RNFT2: variants seen among roughly 807,000 people sequenced by gnomAD.
RNFT2 encodes ring finger protein, transmembrane 2, also known as E3 ubiquitin-protein ligase RNFT2.
A neutral mutation model predicts 53.0 loss-of-function variants in RNFT2; 36 were observed. The ratio of observed to expected loss-of-function variants is 0.68; its 90% CI spans 0.52 to 0.90. RNFT2 has a LOEUF of 0.90. RNFT2 is among the 40% of genes least tolerant of loss of function. The pLI is 0.00. For synonymous variants in RNFT2, 260 were observed against 253.2 expected, an observed-to-expected ratio of 1.03 and a Z score of -0.26; for missense variants, 514 against 585.6, an observed-to-expected ratio of 0.88 and a Z score of 1.26.
Position 116,849,295 on chromosome 12 carries a change from CT to C in RNFT2, c.1201-18del. The C allele has an allele frequency of 6.6e-7, 1 of 1,523,664 alleles. No homozygotes were observed. Among genetic ancestry groups the C allele is most frequent in the Admixed American group, 2.0e-5 (1 of 50,674 alleles). The allele number at this position is 1,523,664 out of a possible 1,614,324, so 94.4% of individuals were successfully genotyped here. ...GCTCAGTAAAGAGTCCTGGTGCCTG[CT>C]GATTGCTGTCCCCGCAGCACGTGTT... On this transcript the variant is annotated intron_variant, in intron 10 of 10. Transcript: ENST00000257575.
At chr12:116,773,711 T>C (rs1016097646) in intron 6 of RNFT2, among the ~76,000 whole-genome samples, 4 of 152,144 alleles carry the variant, frequency 2.6e-5, no homozygotes, top group Admixed American at 2.0e-4. Context: ...GTAAGGGTGA[T>C]GGGAATCACA....
intron 6 of RNFT2, among the ~76,000 whole-genome samples, chr12:116,774,897 C>A (rs1873358552): frequency 6.6e-6 from 1 of 151,718 alleles, no homozygotes; most frequent in Non-Finnish European, 1.5e-5. Flanking sequence ...ACCTCTGTGC[C>A]CCCATCAAAG....
At chr12:116,740,853 G>T in intron 2 of RNFT2, 183 bp from the exon 3 acceptor site, 1 of 648,366 alleles carries the variant, frequency 1.5e-6, no homozygotes, top group Non-Finnish European at 2.8e-6. Context: ...TTTCCTCATG[G>T]GATAGAATGT....
intron 7 of RNFT2, among the ~76,000 whole-genome samples, chr12:116,793,917 G>A (rs1366043190): frequency 6.6e-6 from 1 of 152,072 alleles, no homozygotes; most frequent in Non-Finnish European, 1.5e-5. Flanking sequence ...GAACTCATGT[G>A]AGCAAAGACC....
In RNFT2 at chr12:116,750,851, A is replaced by AAC. The variant is rs1566069417; in HGVS notation, c.550+545_550+546insCA. ...TATAATATATATATTATATATATAT[A>AAC]ATATATATTATATATATATAATATA... is the stretch of plus-strand genomic sequence containing the variant. On this transcript the variant is annotated intron_variant, in intron 4 of 10. Coordinates refer to ENST00000257575, the MANE Select transcript of RNFT2 (RefSeq NM_001382266.1). 4.3e-4 allele frequency among the ~76,000 whole-genome samples: 45 copies of AAC among 105,576 alleles called. 1 individual carries two copies. The highest frequency in any genetic ancestry group is 5.5e-4 in the Non-Finnish European group (31 of 56,778). The allele number at this position is 105,576 out of a possible 152,430, so 69.3% of individuals were successfully genotyped here.
chr12:116,827,642 T>G (rs1435932030), intron 7 of RNFT2, among the ~76,000 whole-genome samples: 1 of 152,244 alleles, frequency 6.6e-6, no homozygotes, highest in Non-Finnish European at 1.5e-5. Flanking sequence ...CACTTACCTA[T>G]TGTCCACAGC....
chr12:116,750,952 C>T (rs1279987928), intron 4 of RNFT2, among the ~76,000 whole-genome samples: 1 of 143,352 alleles, frequency 7.0e-6, no homozygotes, highest in Non-Finnish European at 1.5e-5. Context: ...CAGGCTGGAG[C>T]GCAGTGGTGC....
intron 1 of RNFT2, among the ~76,000 whole-genome samples, chr12:116,739,631 G>A (rs1372486604): frequency 6.6e-6 from 1 of 152,246 alleles, no homozygotes; most frequent in African/African-American, 2.4e-5. Flanking sequence ...TATTCCAAGG[G>A]GAGGGCACAG....
At chr12:116,833,970 G>A (rs1169921113) in intron 8 of RNFT2, 29 bp downstream of exon 8, 2 of 1,563,752 alleles carry the variant, frequency 1.3e-6, no homozygotes, top group African/African-American at 1.4e-5. Context: ...TGGAGGGCCG[G>A]CCTAAGGAGG....
At chr12:116,845,648 G>A (rs7955406) in intron 10 of RNFT2, among the ~76,000 whole-genome samples, 5,838 of 152,146 alleles carry the variant, frequency 0.038, 360 homozygotes, top group African/African-American at 0.13. Context: ...GGGGCTGGAC[G>A]GGAGACGGGC....
chr12:116,822,925 A>T (rs1876123906), intron 7 of RNFT2, among the ~76,000 whole-genome samples: 1 of 152,234 alleles, frequency 6.6e-6, no homozygotes, highest in Non-Finnish European at 1.5e-5. Context: ...TGAACCCAGG[A>T]GGCAGAGATT....
chr12:116,778,076 A>C (rs1011172937), intron 6 of RNFT2, among the ~76,000 whole-genome samples: 1 of 151,816 alleles, frequency 6.6e-6, no homozygotes, highest in South Asian at 2.1e-4. Context: ...CTGCCTTCCT[A>C]ATTTCCTTCC....
At chr12:116,773,241 C>T (rs752459496) in intron 6 of RNFT2, among the ~76,000 whole-genome samples, 1 of 152,142 alleles carries the variant, frequency 6.6e-6, no homozygotes, top group African/African-American at 2.4e-5. Context: ...GGATTACAGG[C>T]GTGAGCCACC....
chr12:116,741,277 C>T (rs1297699955), intron 3 of RNFT2, among the ~76,000 whole-genome samples, 183 bp downstream of exon 3: 1 of 152,194 alleles, frequency 6.6e-6, no homozygotes, highest in Non-Finnish European at 1.5e-5. Flanking sequence ...TTTCAAAGTC[C>T]TGTGTGATAG....
chr12:116,806,164 C>T (rs190565926), intron 7 of RNFT2, among the ~76,000 whole-genome samples: 12 of 151,774 alleles, frequency 7.9e-5, no homozygotes, highest in South Asian at 2.1e-4. Context: ...GCAGATCACT[C>T]GAGGCCAGGA....
intron 5 of RNFT2, among the ~76,000 whole-genome samples, chr12:116,764,914 T>C (rs1872845806): frequency 6.6e-6 from 1 of 151,962 alleles, no homozygotes. Flanking sequence ...AACAAAACAG[T>C]AGGAGGCAGC....
intron 7 of RNFT2, chr12:116,801,291 T>A (rs1433323929): frequency 6.6e-6 from 1 of 152,240 alleles, no homozygotes; most frequent in African/African-American, 2.4e-5. Context: ...TCATTAGCAA[T>A]GTTAATATTA....
chr12:116,797,705 C>T (rs1169863719), intron 7 of RNFT2, among the ~76,000 whole-genome samples: 1 of 151,856 alleles, frequency 6.6e-6, no homozygotes, highest in African/African-American at 2.4e-5. Flanking sequence ...AGAGGCGTTA[C>T]AGCTCAGGCA....
At position 116,851,655 on chromosome 12, in the gene RNFT2, T is replaced by C. The variant is rs1877930799; in HGVS notation, c.*2207T>C. 1 of 628,632 alleles carries C rather than the reference T, an allele frequency of 1.6e-6. No individual in the cohort carries two copies. Among genetic ancestry groups the C allele is most frequent in the African/African-American group, 1.8e-5 (1 of 54,560 alleles). 38.9% of individuals were successfully genotyped at this position (628,632 alleles called of 1,614,324 possible). On this transcript the variant is annotated 3_prime_UTR_variant, in exon 11 of 11. Transcript: ENST00000257575. ...CTCAGGAGGCTAAGGCAGGGAGAAC[T>C]GCTTGAACTCGGGAGGTGAAAGTTG...
Sources: allele counts gnomAD v4.1 joint callset (sites outside exome capture counted in the v4.1 genomes callset), GRCh38; gene constraint gnomAD v4.1.1; transcripts MANE v1.5; gene names NCBI Gene and HGNC (gene_info 2026-07-23, HGNC 2026-07-21).